ARMC9: variants seen among roughly 807,000 people sequenced by gnomAD.
ARMC9 encodes the protein lisH domain-containing protein ARMC9.
ARMC9 carries 94 observed loss-of-function variants against 107.0 expected under a neutral mutation model. The ratio of observed to expected loss-of-function variants is 0.88; its 90% confidence interval spans 0.74 to 1.04. ARMC9 has a LOEUF of 1.04. Ranked by LOEUF, ARMC9 falls within the 50% of genes least tolerant of loss-of-function variation. ARMC9 has a pLI of 0.00. For missense variants in ARMC9, 942 were observed against 1,030.1 expected, an observed-to-expected ratio of 0.91 and a Z score of 1.17; for synonymous variants, 380 against 396.9, an observed-to-expected ratio of 0.96 and a Z score of 0.51.
chr2:231,259,482 C>T (rs1340740428), intron 11 of ARMC9, among the ~76,000 whole-genome samples: 1 of 152,152 alleles, frequency 6.6e-6, no homozygotes, highest in Admixed American at 6.5e-5. Flanking sequence ...CAGGCACCAA[C>T]GAAAGAACTC....
chr2:231,262,979 A>G (rs1385222332), intron 12 of ARMC9, among the ~76,000 whole-genome samples: 1 of 136,174 alleles, frequency 7.3e-6, no homozygotes, highest in African/African-American at 3.3e-5. Flanking sequence ...GATTACATAC[A>G]GTCAGGTGGG....
At position 231,372,628 on chromosome 2, in the gene ARMC9, G is replaced by A. The variant is rs2046064963; in HGVS notation, c.*1093G>A. The A allele has an allele frequency of 6.6e-6, 1 of 152,218 alleles. No individual in the cohort carries two copies. The highest frequency in any genetic ancestry group is 1.5e-5 in the Non-Finnish European group (1 of 68,314). The allele number at this position is 152,218 out of a possible 1,614,324, so 9.4% of individuals were successfully genotyped here. A position where few individuals can be genotyped will look rare whatever the true frequency, so the allele number is the denominator to read the frequency against. On this transcript the variant is annotated 3_prime_UTR_variant, in exon 25 of 25. Coordinates refer to ENST00000611582, the MANE Select transcript of ARMC9 (RefSeq NM_001352754.2). The stretch of plus-strand genomic sequence containing the variant: ...ACAGAGGAAGGATGTTTGCCTTCAG[G>A]ACCAGCAAGTCACAGGTGTCCTGGA...
At chr2:231,207,350 G>C (rs1317952917) in intron 2 of ARMC9, among the ~76,000 whole-genome samples, 1 of 152,098 alleles carries the variant, frequency 6.6e-6, no homozygotes, top group African/African-American at 2.4e-5. Flanking sequence ...ATTTGAGATG[G>C]GGTCTCGCTT....
At chr2:231,311,864 A>G (rs569780310) in intron 19 of ARMC9, among the ~76,000 whole-genome samples, 1 of 152,028 alleles carries the variant, frequency 6.6e-6, no homozygotes, top group Non-Finnish European at 1.5e-5. Context: ...GGAATGTAAG[A>G]AGGCAGATTC....
In ARMC9 at chr2:231,208,053, C is replaced by T. The variant is rs1574844759; in HGVS notation, c.52-74C>T. The T allele has an allele frequency of 7.0e-6, 5 of 715,072 alleles. No homozygotes were observed. In the East Asian group the frequency reaches 1.4e-4, roughly 20 times the overall value. 44.3% of individuals were successfully genotyped at this position (715,072 alleles called of 1,614,324 possible). ...TGTCTTCTTTGGATAAATATCTATTCAGATCCTTTGGCTGTTTTTTAATTG... is the reference window on the plus strand; with the variant it reads ...TGTCTTCTTTGGATAAATATCTATTTAGATCCTTTGGCTGTTTTTTAATTG... On this transcript the variant is annotated intron_variant, in intron 2 of 24. Transcript: ENST00000611582.
chr2:231,229,218 C>G (rs193091359), intron 7 of ARMC9, among the ~76,000 whole-genome samples: 1 of 152,220 alleles, frequency 6.6e-6, no homozygotes, highest in Admixed American at 6.5e-5. Flanking sequence ...GCATGACAGT[C>G]ATTTGTCACC....
intron 20 of ARMC9, among the ~76,000 whole-genome samples, chr2:231,344,286 C>G (rs560802811): frequency 6.6e-4 from 101 of 152,322 alleles, no homozygotes; most frequent in African/African-American, 2.3e-3. Flanking sequence ...GTGTTTTAAA[C>G]TATTGGGAGC....
At position 231,373,815 on chromosome 2, in the gene ARMC9, A is replaced by G. The variant is rs1201852569; in HGVS notation, c.*2280A>G. The stretch of plus-strand genomic sequence containing the variant: ...TACTCAAGGAGGCTGAGGCACAAGA[A>G]TAGCTTGAACCGGGAGATGGAAGAT... On this transcript the variant is annotated 3_prime_UTR_variant, in exon 25 of 25. Coordinates refer to ENST00000611582, the MANE Select transcript of ARMC9 (RefSeq NM_001352754.2). The surrounding 1 kb of genome is among the most constrained non-coding windows in gnomAD (Gnocchi z 4.4). 2 of 151,974 alleles carry G rather than the reference A, an allele frequency of 1.3e-5. No individual in the cohort carries two copies. Among genetic ancestry groups the G allele is most frequent in the Non-Finnish European group, 2.9e-5 (2 of 67,990 alleles). The allele number at this position is 151,974 out of a possible 1,614,324, so 9.4% of individuals were successfully genotyped here.
At chr2:231,204,206 G>GTGGTGTCA (rs2031596827) in intron 1 of ARMC9, among the ~76,000 whole-genome samples, 2 of 149,202 alleles carry the variant, frequency 1.3e-5, no homozygotes, top group Non-Finnish European at 3.0e-5. Flanking sequence ...AAGGACATCA[G>GTGGTGTCA]TGGTGTCAGT....
intron 19 of ARMC9, among the ~76,000 whole-genome samples, chr2:231,308,708 C>A (rs1225382874): frequency 1.3e-5 from 2 of 152,208 alleles, no homozygotes; most frequent in Admixed American, 6.5e-5. Context: ...TCCTGACCAG[C>A]CTTCCTCCAG....
intron 16 of ARMC9, among the ~76,000 whole-genome samples, chr2:231,280,581 A>G (rs2040140741): frequency 6.6e-6 from 1 of 152,240 alleles, no homozygotes; most frequent in South Asian, 2.1e-4. Context: ...GCTACACTGT[A>G]GTAGTCATGA....
chr2:231,328,788 T>C (rs1425654085), intron 19 of ARMC9, among the ~76,000 whole-genome samples: 1 of 150,688 alleles, frequency 6.6e-6, no homozygotes, highest in Non-Finnish European at 1.5e-5. Context: ...AAAGTTGTCT[T>C]AGCGTGTTCA....
At chr2:231,244,926 C>G (rs927363111) in intron 9 of ARMC9, among the ~76,000 whole-genome samples, 4 of 152,254 alleles carry the variant, frequency 2.6e-5, no homozygotes, top group Admixed American at 2.0e-4. Context: ...GTCACCGCCT[C>G]TCTGGAGAGG....
chr2:231,249,401 A>T (rs941918530), intron 9 of ARMC9, among the ~76,000 whole-genome samples: 4 of 151,904 alleles, frequency 2.6e-5, no homozygotes, highest in African/African-American at 9.7e-5. Context: ...ACCCAGGAAC[A>T]CTTTCCTTAC....
At chr2:231,217,663 T>C (rs1257933454) in intron 5 of ARMC9, among the ~76,000 whole-genome samples, 1 of 152,194 alleles carries the variant, frequency 6.6e-6, no homozygotes, top group East Asian at 1.9e-4. Context: ...ATTGACTTTT[T>C]CAGGATGTAT....
At chr2:231,209,297 C>G (rs1250335481) in intron 3 of ARMC9, among the ~76,000 whole-genome samples, 2 of 152,164 alleles carry the variant, frequency 1.3e-5, no homozygotes, top group South Asian at 2.1e-4. Context: ...AGGAGGATCA[C>G]TTGAGCCTGG....
chr2:231,347,593 T>C (rs2044866690), intron 21 of ARMC9, among the ~76,000 whole-genome samples: 1 of 152,194 alleles, frequency 6.6e-6, no homozygotes, highest in Non-Finnish European at 1.5e-5. Context: ...GACTACCATA[T>C]GTGATGTAAG....
intron 19 of ARMC9, among the ~76,000 whole-genome samples, chr2:231,318,655 C>T (rs953643660): frequency 2.0e-5 from 3 of 152,174 alleles, no homozygotes; most frequent in African/African-American, 7.2e-5. Flanking sequence ...CAGTTCTCAC[C>T]CAGTGCCCTA....
chr2:231,271,237 G>C (rs1200487209), intron 13 of ARMC9, among the ~76,000 whole-genome samples, 165 bp downstream of exon 13: 1 of 152,098 alleles, frequency 6.6e-6, no homozygotes, highest in East Asian at 1.9e-4. Flanking sequence ...TTGTCATATT[G>C]CTTTAGTTTA....
Sources: allele counts gnomAD v4.1 joint callset (sites outside exome capture counted in the v4.1 genomes callset), GRCh38; gene constraint gnomAD v4.1.1; non-coding constraint Gnocchi (gnomAD v3.1); transcripts MANE v1.5; gene names NCBI Gene and HGNC (gene_info 2026-07-23, HGNC 2026-07-21).